The following LYZL4 variants were observed in gnomAD, a reference collection of about 807,000 sequenced individuals.
LYZL4 encodes lysozyme like 4.
A neutral mutation model predicts 17.6 loss-of-function variants in LYZL4; 13 were observed. The ratio of observed to expected loss-of-function variants is 0.74; its 90% CI spans 0.48 to 1.18. LYZL4 has a LOEUF of 1.18. Among genes scored for constraint, LYZL4 ranks in the 50% most tolerant of loss-of-function variants. The pLI, the probability that LYZL4 is intolerant of heterozygous loss-of-function variation, is 0.00. For synonymous variants in LYZL4, 64 were observed against 67.7 expected, an observed-to-expected ratio of 0.95 and a Z score of 0.27; for missense variants, 174 against 188.2, an observed-to-expected ratio of 0.92 and a Z score of 0.44.
the LYZL4 span, among the ~76,000 whole-genome samples, chr3:42,379,320 C>G: frequency 6.6e-6 from 1 of 152,146 alleles, no homozygotes; most frequent in Non-Finnish European, 1.5e-5. Flanking sequence ...GGGCTGGGTT[C>G]TAAGAGAAAA....
chr3:42,385,503 A>G, the LYZL4 span, among the ~76,000 whole-genome samples: 1 of 152,230 alleles, frequency 6.6e-6, no homozygotes, highest in Non-Finnish European at 1.5e-5. Context: ...ACATTCCGTG[A>G]TATTCACATG....
the LYZL4 span, among the ~76,000 whole-genome samples, chr3:42,371,270 C>T: frequency 6.6e-6 from 1 of 152,170 alleles, no homozygotes; most frequent in South Asian, 2.1e-4. Flanking sequence ...TCAGGGGTGG[C>T]AGAGAAATCC....
the LYZL4 span, among the ~76,000 whole-genome samples, chr3:42,373,097 G>A: frequency 6.6e-6 from 1 of 152,174 alleles, no homozygotes; most frequent in South Asian, 2.1e-4. Context: ...TGTAGTCCCA[G>A]CTACTCGGGA....
chr3:42,397,469 C>T (rs1271043727), intron 4 of LYZL4, 135 bp from the exon 5 acceptor site: 5 of 622,824 alleles, frequency 8.0e-6, no homozygotes, highest in Middle Eastern at 3.7e-4. Flanking sequence ...GCCGTGGGCA[C>T]GATTCTGAAG....
chr3:42,376,343 G>A, the LYZL4 span, among the ~76,000 whole-genome samples: 2 of 152,156 alleles, frequency 1.3e-5, no homozygotes, highest in African/African-American at 2.4e-5. Context: ...TGGGAAGCCT[G>A]GGGCCATTAA....
chr3:42,383,884 T>C, the LYZL4 span, among the ~76,000 whole-genome samples: 1 of 152,066 alleles, frequency 6.6e-6, no homozygotes, highest in Non-Finnish European at 1.5e-5. Context: ...AATGAATGAA[T>C]GACAAATACA....
At chr3:42,371,725 T>G in the LYZL4 span, among the ~76,000 whole-genome samples, 1 of 152,138 alleles carries the variant, frequency 6.6e-6, no homozygotes, top group African/African-American at 2.4e-5. Context: ...GTACATATAA[T>G]CCATGAAACT....
the LYZL4 span, among the ~76,000 whole-genome samples, chr3:42,382,910 C>A: frequency 6.6e-6 from 1 of 152,126 alleles, no homozygotes; most frequent in Middle Eastern, 3.4e-3. Flanking sequence ...GCCGGAGTTG[C>A]CCCTAGGCGG....
At chr3:42,377,625 C>CTCTGTGTG in the LYZL4 span, among the ~76,000 whole-genome samples, 42 of 143,788 alleles carry the variant, frequency 2.9e-4, no homozygotes, top group South Asian at 1.4e-3. Context: ...GCATGACTCT[C>CTCTGTGTG]TGTGTGTGTG....
chr3:42,392,623 C>A (rs1490619370), downstream of LYZL4, among the ~76,000 whole-genome samples: 1 of 151,970 alleles, frequency 6.6e-6, no homozygotes, highest in Non-Finnish European at 1.5e-5. Flanking sequence ...GAGGGAAGAG[C>A]ACAGGGGATG....
chr3:42,363,406 G>C, the LYZL4 span, among the ~76,000 whole-genome samples: 1 of 152,190 alleles, frequency 6.6e-6, no homozygotes, highest in African/African-American at 2.4e-5. Context: ...AAATAATTAG[G>C]GGTGAAGTAT....
chr3:42,373,717 T>C, the LYZL4 span, among the ~76,000 whole-genome samples: 1 of 152,170 alleles, frequency 6.6e-6, no homozygotes, highest in Admixed American at 6.5e-5. Flanking sequence ...AGAAAGTGGC[T>C]GAATTCTGTG....
At chr3:42,375,537 T>C in the LYZL4 span, among the ~76,000 whole-genome samples, 2 of 152,170 alleles carry the variant, frequency 1.3e-5, no homozygotes, top group African/African-American at 4.8e-5. Context: ...TTTTATGAAA[T>C]ATGCAACTTG....
downstream of LYZL4, among the ~76,000 whole-genome samples, chr3:42,393,326 C>T (rs184402429): frequency 6.1e-4 from 87 of 143,384 alleles, no homozygotes; most frequent in Middle Eastern, 3.6e-3. Flanking sequence ...TGGCACCAGA[C>T]GTGTGCGCGT....
intron 3 of LYZL4, 44 bp from the exon 4 acceptor site, chr3:42,404,168 A>C (rs1205599839): frequency 7.5e-7 from 1 of 1,336,272 alleles, no homozygotes; most frequent in East Asian, 2.3e-5. Context: ...GCCATATGAC[A>C]GTTAAGTTAG....
intron 1 of LYZL4, chr3:42,407,598 C>A: frequency 4.0e-6 from 1 of 249,696 alleles, no homozygotes; most frequent in Non-Finnish European, 7.7e-6. Context: ...GTATCTCACT[C>A]ATTTCACTCT....
At chr3:42,369,284 T>G in the LYZL4 span, among the ~76,000 whole-genome samples, 2 of 152,242 alleles carry the variant, frequency 1.3e-5, no homozygotes, top group Non-Finnish European at 2.9e-5. Flanking sequence ...GGCGGCATGG[T>G]AGGGAGGGCA....
the LYZL4 span, among the ~76,000 whole-genome samples, chr3:42,366,297 G>T: frequency 6.6e-6 from 1 of 152,124 alleles, no homozygotes; most frequent in Non-Finnish European, 1.5e-5. Context: ...ACCTTGTGAG[G>T]CCCCAGCCTT....
At chr3:42,390,879 G>T in the LYZL4 span, among the ~76,000 whole-genome samples, 1 of 152,176 alleles carries the variant, frequency 6.6e-6, no homozygotes, top group Non-Finnish European at 1.5e-5. Flanking sequence ...GAATCAGCAT[G>T]CCAGAATAAT....
Sources: gnomAD v4.1 joint callset for allele counts (sites outside exome capture counted in the v4.1 genomes callset) on GRCh38, gnomAD v4.1.1 for gene constraint, MANE v1.5 for transcripts, NCBI Gene and HGNC (gene_info 2026-07-23, HGNC 2026-07-21) for gene names.